Variants in KCNIP4 observed in about 807,000 individuals in gnomAD.
KCNIP4 encodes potassium voltage-gated channel interacting protein 4.
In KCNIP4, 12 loss-of-function variants were observed where a neutral mutation model predicts 34.0. The ratio of observed to expected loss-of-function variants is 0.35; its 90% CI spans 0.23 to 0.57. The LOEUF is 0.57. Among genes scored for constraint, KCNIP4 ranks in the 20% least tolerant of loss-of-function variants. The pLI, the probability that KCNIP4 is intolerant of heterozygous loss-of-function variation, is 0.83. For missense variants in KCNIP4, 238 were observed against 311.7 expected, an observed-to-expected ratio of 0.76 and a Z score of 1.78; for synonymous variants, 124 against 102.2, an observed-to-expected ratio of 1.21 and a Z score of -1.29.
chr4:21,281,782 T>C (rs2109170575), intron 1 of KCNIP4, among the ~76,000 whole-genome samples: 1 of 152,290 alleles, frequency 6.6e-6, no homozygotes, highest in East Asian at 1.9e-4. Flanking sequence ...GAATATTGGA[T>C]TAAGTGAAAC....
At chr4:21,891,618 T>C (rs1223800523) in intron 1 of KCNIP4, among the ~76,000 whole-genome samples, 4 of 152,136 alleles carry the variant, frequency 2.6e-5, no homozygotes, top group East Asian at 1.9e-4. Context: ...GGTCTAACAA[T>C]GATCAGTTAA....
intron 1 of KCNIP4, among the ~76,000 whole-genome samples, chr4:21,238,704 A>G (rs1025734415): frequency 6.6e-6 from 1 of 152,182 alleles, no homozygotes; most frequent in Non-Finnish European, 1.5e-5. Context: ...GAGAACTACA[A>G]ACCACTGCTC....
chr4:21,178,478 C>T (rs1267562561), intron 1 of KCNIP4, among the ~76,000 whole-genome samples: 1 of 147,186 alleles, frequency 6.8e-6, no homozygotes, highest in Non-Finnish European at 1.5e-5. Flanking sequence ...GATTCACAGA[C>T]CTCAGTTTAT....
At chr4:21,694,848 A>G (rs1298532632) in intron 1 of KCNIP4, among the ~76,000 whole-genome samples, 1 of 149,936 alleles carries the variant, frequency 6.7e-6, no homozygotes, top group Non-Finnish European at 1.5e-5. Flanking sequence ...AAAATTATAT[A>G]TTTTGGAATT....
intron 1 of KCNIP4, among the ~76,000 whole-genome samples, chr4:21,573,603 T>A (rs1740514039): frequency 6.6e-6 from 1 of 152,158 alleles, no homozygotes; most frequent in South Asian, 2.1e-4. Context: ...GCCAGTAATT[T>A]TCCTCTGAGC....
chr4:20,956,365 C>T (rs565643927), intron 1 of KCNIP4, among the ~76,000 whole-genome samples: 11 of 152,054 alleles, frequency 7.2e-5, no homozygotes, highest in African/African-American at 1.2e-4. Context: ...ATTAGCCGGG[C>T]GTGGTGGCGG....
intron 1 of KCNIP4, among the ~76,000 whole-genome samples, chr4:21,173,430 A>C (rs1272839879): frequency 3.9e-5 from 6 of 152,150 alleles, no homozygotes; most frequent in Non-Finnish European, 8.8e-5. Context: ...TAACAAAGCG[A>C]TGAGAGGTTT....
intron 2 of KCNIP4, among the ~76,000 whole-genome samples, chr4:20,858,980 C>T (rs900747172): frequency 1.3e-5 from 2 of 152,170 alleles, no homozygotes; most frequent in Non-Finnish European, 2.9e-5. Flanking sequence ...AGTCAATATG[C>T]TACTTTAAGA....
At chr4:21,863,567 CAG>C (rs200023485) in intron 1 of KCNIP4, among the ~76,000 whole-genome samples, 2 of 152,068 alleles carry the variant, frequency 1.3e-5, no homozygotes, top group Admixed American at 1.3e-4. Flanking sequence ...AAGAGAGGCA[CAG>C]AACAAATAGG....
At position 21,253,941 on chromosome 4, in the gene KCNIP4, GAC is replaced by G. The variant is rs375221320; in HGVS notation, c.62-371234_62-371233del. On this transcript the variant is annotated intron_variant, in intron 1 of 8. Coordinates refer to ENST00000382152, the MANE Select transcript of KCNIP4 (RefSeq NM_025221.6). ...AACATCACACTAAGTGGGAAAAAAA[GAC>G]ACAAAAGGTCACAGGTTGTGCAATT... is the stretch of plus-strand genomic sequence containing the variant. 1.4e-4 allele frequency among the ~76,000 whole-genome samples: 21 copies of G among 152,160 alleles called. No individual in the cohort carries two copies. The East Asian group carries it at 3.7e-3, about 27-fold the overall frequency.
intron 1 of KCNIP4, among the ~76,000 whole-genome samples, chr4:21,944,270 G>A (rs35248834): frequency 0.25 from 38,087 of 151,884 alleles, 5,488 homozygotes; most frequent in South Asian, 0.36. Flanking sequence ...CTGGCTGGGC[G>A]CGGTAGCTCA....
chr4:21,344,415 T>C (rs1465781573), intron 1 of KCNIP4, among the ~76,000 whole-genome samples: 1 of 152,160 alleles, frequency 6.6e-6, no homozygotes, highest in Non-Finnish European at 1.5e-5. Flanking sequence ...AAGCACATTA[T>C]TTCATAGGAT....
intron 1 of KCNIP4, among the ~76,000 whole-genome samples, chr4:21,382,928 G>T (rs1306686788): frequency 6.6e-6 from 1 of 152,174 alleles, no homozygotes; most frequent in African/African-American, 2.4e-5. Flanking sequence ...AAATTCATAT[G>T]TTGAAGTCCT....
intron 1 of KCNIP4, among the ~76,000 whole-genome samples, chr4:21,520,699 C>A (rs967299708): frequency 3.3e-5 from 5 of 152,042 alleles, no homozygotes; most frequent in African/African-American, 4.8e-5. Context: ...TCTCCTTTTA[C>A]CTTTAACTTG....
intron 1 of KCNIP4, among the ~76,000 whole-genome samples, chr4:21,710,483 C>G (rs1503975): frequency 8.5e-5 from 13 of 152,178 alleles, no homozygotes; most frequent in Non-Finnish European, 1.9e-4. Flanking sequence ...CGAAAACCAC[C>G]TAATGCAGTT....
chr4:21,005,185 C>T (rs959416298), intron 1 of KCNIP4, among the ~76,000 whole-genome samples: 1 of 152,110 alleles, frequency 6.6e-6, no homozygotes, highest in Non-Finnish European at 1.5e-5. Context: ...ACAGGGGTTC[C>T]CAGATTATAA....
intron 1 of KCNIP4, among the ~76,000 whole-genome samples, chr4:20,909,484 A>T (rs1479395127): frequency 6.6e-6 from 1 of 152,188 alleles, no homozygotes; most frequent in Non-Finnish European, 1.5e-5. Context: ...ATGTAAGGCC[A>T]CACAGAGAAC....
chr4:20,920,275 CAA>C (rs1729265009), intron 1 of KCNIP4, among the ~76,000 whole-genome samples: 2 of 152,124 alleles, frequency 1.3e-5, no homozygotes, highest in Admixed American at 1.3e-4. Context: ...ACTCACTGAA[CAA>C]TTCCTGGACA....
intron 3 of KCNIP4, among the ~76,000 whole-genome samples, chr4:20,763,362 A>AGCT (rs1755103078): frequency 6.6e-6 from 1 of 152,210 alleles, no homozygotes; most frequent in African/African-American, 2.4e-5. Flanking sequence ...TGTACAGATC[A>AGCT]GCTGATGGTT....
Sources: allele counts gnomAD v4.1 joint callset (sites outside exome capture counted in the v4.1 genomes callset), GRCh38; gene constraint gnomAD v4.1.1; transcripts MANE v1.5; gene names NCBI Gene and HGNC (gene_info 2026-07-23, HGNC 2026-07-21).